MYPN: variants seen among roughly 807,000 people sequenced by gnomAD.
The protein encoded by MYPN is myopalladin.
Under a neutral mutation model 129.4 loss-of-function variants are expected in MYPN, and 63 were observed. The observed-to-expected ratio is 0.49, with a 90% CI of 0.40 to 0.60. The LOEUF (loss-of-function observed/expected upper bound fraction) is 0.60, where lower values mean the gene tolerates loss of function less well. Ranked by LOEUF, MYPN falls within the 20% of genes least tolerant of loss-of-function variation. The pLI is 0.00. For synonymous variants in MYPN, 629 were observed against 600.9 expected (o/e 1.05, Z -0.68); for missense variants, 1,596 against 1,635.4 (o/e 0.98, Z 0.42).
upstream of MYPN, among the ~76,000 whole-genome samples, chr10:68,108,080 C>A (rs1314624651): frequency 6.6e-6 from 1 of 152,144 alleles, no homozygotes; most frequent in Non-Finnish European, 1.5e-5. Flanking sequence ...AGTATCAGCA[C>A]AAGATTAGGT....
intron 5 of MYPN, among the ~76,000 whole-genome samples, chr10:68,149,717 G>T (rs2042733820): frequency 6.6e-6 from 1 of 152,114 alleles, no homozygotes; most frequent in Non-Finnish European, 1.5e-5. Flanking sequence ...CTAATCCATT[G>T]GTTTTCAAAC....
chr10:68,140,504 A>AC (rs1398296780), intron 2 of MYPN, among the ~76,000 whole-genome samples: 1 of 148,700 alleles, frequency 6.7e-6, no homozygotes, highest in African/African-American at 2.6e-5. Context: ...GACATAGTAT[A>AC]GGTTTTTTTT....
At chr10:68,204,235 C>A (rs1193840111) in intron 18 of MYPN, among the ~76,000 whole-genome samples, 1 of 152,206 alleles carries the variant, frequency 6.6e-6, no homozygotes, top group Non-Finnish European at 1.5e-5. Flanking sequence ...TGTCCTGACT[C>A]TTCACAACAC....
At chr10:68,107,602 C>T (rs2042028676), upstream of MYPN, among the ~76,000 whole-genome samples, 1 of 151,886 alleles carries the variant, frequency 6.6e-6, no homozygotes, top group Non-Finnish European at 1.5e-5. Flanking sequence ...CCGCCTGCCT[C>T]AACCTCCCAA....
At position 68,203,257 on chromosome 10, in the gene MYPN, G is replaced by A. The variant is rs1251102946; in HGVS notation, c.3659+1263G>A. Reference sequence around the variant, plus strand: ...CTCACTGCCCATTCATCTTCCCCCTGCCTTTAGTGACAAGATGCCTGTCAT... The same window carrying A: ...CTCACTGCCCATTCATCTTCCCCCTACCTTTAGTGACAAGATGCCTGTCAT... On this transcript the variant is annotated intron_variant, in intron 18 of 19. Coordinates refer to ENST00000358913, the MANE Select transcript of MYPN (RefSeq NM_032578.4). Among the ~76,000 whole-genome samples the A allele has an allele frequency of 5.3e-5, 8 of 152,092 alleles. No individual in the cohort carries two copies. The South Asian group carries it at 1.0e-3, about 20-fold the overall frequency.
intron 12 of MYPN, 119 bp from the exon 13 acceptor site, chr10:68,188,786 T>C: frequency 2.4e-6 from 2 of 841,158 alleles, no homozygotes; most frequent in Non-Finnish European, 3.9e-6. Context: ...ACCTGGTTCA[T>C]TTGGATTTCA....
chr10:68,195,526 C>T lies in MYPN; in HGVS notation c.3152C>T (p.Ser1051Phe). 1 of 1,613,828 alleles carries T rather than the reference C, an allele frequency of 6.2e-7. No individual in the cohort carries two copies. The highest frequency in any genetic ancestry group is 8.5e-7 in the Non-Finnish European group (1 of 1,179,738). The change falls in exon 15 of 20, where the codon TCT becomes TTT. Residue 1051 changes from serine to phenylalanine, a missense_variant. Ser to Phe is a radical substitution (Grantham distance 155). Coordinates refer to ENST00000358913, the MANE Select transcript of MYPN (RefSeq NM_032578.4). ...AGTCGGCTAACCTCTGCTGGTCAGT[C>T]TCACAGGTAAAGACAGTAAGAATTC... ...IRSRLTSAGQSHRGRSRVQER... is the reference protein window; with the variant it reads ...IRSRLTSAGQFHRGRSRVQER...
intron 13 of MYPN, 72 bp downstream of exon 13, chr10:68,189,198 TA>T: frequency 1.9e-6 from 2 of 1,050,882 alleles, no homozygotes; most frequent in East Asian, 2.4e-5. Flanking sequence ...AGAAGGTCTT[TA>T]AAAAATATAC....
intron 12 of MYPN, among the ~76,000 whole-genome samples, chr10:68,181,487 A>C (rs2043312379): frequency 6.6e-6 from 1 of 151,844 alleles, no homozygotes; most frequent in Non-Finnish European, 1.5e-5. Flanking sequence ...ATGGGGTTTC[A>C]CCATGCTGGC....
At chr10:68,128,355 A>G (rs555935538) in intron 2 of MYPN, among the ~76,000 whole-genome samples, 10 of 152,324 alleles carry the variant, frequency 6.6e-5, no homozygotes, top group African/African-American at 2.2e-4. Flanking sequence ...TATGGCTGTT[A>G]AGTTTTGTTA....
At chr10:68,120,260 G>A (rs550721959) in intron 1 of MYPN, among the ~76,000 whole-genome samples, 3 of 152,194 alleles carry the variant, frequency 2.0e-5, no homozygotes, top group African/African-American at 4.8e-5. Context: ...TTTAGTAAAT[G>A]TTTGAATGAA....
chr10:68,136,125 T>C, intron 2 of MYPN: 11 of 573,518 alleles, frequency 1.9e-5, no homozygotes, highest in Non-Finnish European at 2.2e-5. Context: ...AATAGTAACC[T>C]CACAGCAGAA....
In MYPN at chr10:68,197,610, C is replaced by CT. The variant is rs1373174026; in HGVS notation, c.3285+139dup. 149 of 1,118,484 alleles carry CT rather than the reference C, an allele frequency of 1.3e-4. 2 individuals carry two copies. Among genetic ancestry groups the CT allele is most frequent in the Non-Finnish European group, 1.7e-4 (134 of 781,960 alleles). The allele number at this position is 1,118,484 out of a possible 1,614,324, so 69.3% of individuals were successfully genotyped here. On this transcript the variant is annotated intron_variant, in intron 16 of 19. Transcript: ENST00000358913. ...TGAGATGGGGAAGGGAGACAGATCA[C>CT]TTTTTTTCATCATAAGGCTTGTTTG...
At chr10:68,151,389 C>G (rs969715414) in intron 6 of MYPN, among the ~76,000 whole-genome samples, 24 of 152,254 alleles carry the variant, frequency 1.6e-4, no homozygotes, top group African/African-American at 5.8e-4. Flanking sequence ...CAGTTCATAA[C>G]CTACATTTGA....
Position 68,166,435 on chromosome 10 carries a change from T to A in MYPN, c.1742T>A (p.Val581Asp). 1.2e-6 allele frequency: 2 copies of A among 1,613,488 alleles called. No individual in the cohort carries two copies. The highest frequency in any genetic ancestry group is 1.7e-6 in the Non-Finnish European group (2 of 1,179,904). The part of the protein sequence containing the change: ...EQPPKPKLEG[V>D]LVNHNEPRSS... ...CCCCCCAAACCCAAACTCGAGGGGG[T>A]TCTGGTGAACCACAATGAGCCCCGG... Residue 581 changes from valine (V) to aspartate (D), a missense_variant, in exon 10 of 20, where the codon GTT becomes GAT. Val to Asp is a radical substitution (Grantham distance 152). Coordinates refer to ENST00000358913, the MANE Select transcript of MYPN (RefSeq NM_032578.4).
intron 1 of MYPN, among the ~76,000 whole-genome samples, chr10:68,088,556 T>C (rs1362971496): frequency 6.6e-6 from 1 of 152,192 alleles, no homozygotes; most frequent in Non-Finnish European, 1.5e-5. Flanking sequence ...TCTATCACTC[T>C]CCATTGTTTC....
intron 2 of MYPN, chr10:68,136,752 C>G (rs901781173): frequency 1.2e-5 from 18 of 1,530,870 alleles, no homozygotes; most frequent in Non-Finnish European, 1.4e-5. Context: ...GAAATGTTCT[C>G]TAAATAATTT....
intron 18 of MYPN, among the ~76,000 whole-genome samples, chr10:68,204,725 C>CAAAAAAAAAAAAA (rs33973275): frequency 1.1e-5 from 1 of 89,360 alleles, no homozygotes; most frequent in African/African-American, 4.9e-5. Context: ...GACTCTGTCT[C>CAAAAAAAAAAAAA]AAAAAAAAAA....
intron 19 of MYPN, 47 bp from the exon 20 acceptor site, chr10:68,210,239 G>A (rs2043886825): frequency 6.2e-7 from 1 of 1,606,132 alleles, no homozygotes; most frequent in African/African-American, 1.3e-5. Flanking sequence ...CGTACATGCT[G>A]GACTGCATTC....
Sources: gnomAD v4.1 joint callset for allele counts (sites outside exome capture counted in the v4.1 genomes callset) on GRCh38, gnomAD v4.1.1 for gene constraint, MANE v1.5 for transcripts, NCBI Gene and HGNC (gene_info 2026-07-23, HGNC 2026-07-21) for gene names.